The following ANKRD10 variants were observed in gnomAD, a reference collection of about 807,000 sequenced individuals.
ANKRD10 encodes the protein ankyrin repeat domain 10.
In ANKRD10, 14 loss-of-function variants were observed where a neutral mutation model predicts 27.0. That is an observed-to-expected ratio of 0.52 (90% CI 0.34 to 0.81). ANKRD10 has a LOEUF of 0.81. Among genes scored for constraint, ANKRD10 ranks in the 40% least tolerant of loss-of-function variants. The pLI is 0.01. For synonymous variants in ANKRD10, 250 were observed against 224.5 expected, an observed-to-expected ratio of 1.11 and a Z score of -1.01; for missense variants, 493 against 544.0, an observed-to-expected ratio of 0.91 and a Z score of 0.93.
chr13:110,896,654 T>C (rs753176697), intron 3 of ANKRD10, among the ~76,000 whole-genome samples: 17 of 152,364 alleles, frequency 1.1e-4, no homozygotes, highest in African/African-American at 3.8e-4. Context: ...ATTTTAGACT[T>C]TGGAGACCAT....
intron 3 of ANKRD10, among the ~76,000 whole-genome samples, chr13:110,898,162 G>A (rs1157787977): frequency 6.6e-6 from 1 of 152,178 alleles, no homozygotes; most frequent in East Asian, 1.9e-4. Context: ...TAAATTGAGT[G>A]TTTTTGGTTA....
chr13:110,891,239 C>T (rs1023805558), intron 4 of ANKRD10, among the ~76,000 whole-genome samples: 1 of 152,174 alleles, frequency 6.6e-6, no homozygotes, highest in Non-Finnish European at 1.5e-5. Flanking sequence ...CAATACTAAC[C>T]AGGCTTTAAT....
intron 2 of ANKRD10, 149 bp from the exon 3 acceptor site, chr13:110,906,273 T>C (rs1372954669): frequency 6.2e-6 from 4 of 644,772 alleles, no homozygotes; most frequent in South Asian, 4.1e-5. Flanking sequence ...CACAAAGAAA[T>C]CTATACGTGA....
intron 4 of ANKRD10, among the ~76,000 whole-genome samples, chr13:110,890,795 G>A (rs984789979): frequency 7.5e-6 from 1 of 134,022 alleles, no homozygotes; most frequent in African/African-American, 2.6e-5. Context: ...AGTTTGGGAA[G>A]GCTGCATGGT....
At chr13:110,897,927 C>A (rs552972057) in intron 3 of ANKRD10, among the ~76,000 whole-genome samples, 2 of 152,190 alleles carry the variant, frequency 1.3e-5, no homozygotes, top group South Asian at 4.1e-4. Context: ...TTTTGATTCT[C>A]TTTAGAACGA....
At position 110,892,912 on chromosome 13, in the gene ANKRD10, G is replaced by A. The variant is rs1269086785; in HGVS notation, c.691+116C>T. 3.6e-5 allele frequency: 53 copies of A among 1,477,480 alleles called. No individual in the cohort carries two copies. In the South Asian group the frequency reaches 6.7e-4, roughly 19 times the overall value. 91.5% of individuals were successfully genotyped at this position (1,477,480 alleles called of 1,614,324 possible). ...CCACCGTCACCGCACAATCCACCAG[G>A]CGCATTACCACCTGAAGTGAAGGTC... On this transcript the variant is annotated intron_variant, in intron 4 of 5. Transcript: ENST00000267339.
intron 1 of ANKRD10, among the ~76,000 whole-genome samples, chr13:110,913,352 A>C (rs915137949): frequency 1.3e-5 from 2 of 152,244 alleles, no homozygotes; most frequent in African/African-American, 4.8e-5. Context: ...TGCACGCAGA[A>C]GCGCAGGGAG....
In ANKRD10 at chr13:110,887,056, T is replaced by A. The variant is rs1418398289; in HGVS notation, c.692-3263A>T. Among the ~76,000 whole-genome samples, 3 of 152,110 alleles carry A rather than the reference T, an allele frequency of 2.0e-5. No individual in the cohort carries two copies. In the East Asian group the frequency reaches 5.8e-4, roughly 29 times the overall value. ...AGATACAGCCACAAGCCAGGTGTGG[T>A]CACTGCCTGCCCTCCTAAGTGAGAA... On this transcript the variant is annotated intron_variant, in intron 4 of 5. Coordinates refer to ENST00000267339, the MANE Select transcript of ANKRD10 (RefSeq NM_017664.4).
chr13:110,891,990 G>A (rs186313886), intron 4 of ANKRD10, among the ~76,000 whole-genome samples: 19 of 150,274 alleles, frequency 1.3e-4, no homozygotes, highest in Admixed American at 1.0e-3. Context: ...TGGGATTACA[G>A]GTATGAGCCA....
Position 110,879,572 on chromosome 13 carries a change from A to T in ANKRD10, c.*65T>A. ...TGTGACATTCGTTCAAGTTGCTGCT[A>T]CATGGGTATTCTGAGCTGGCTACCA... On this transcript the variant is annotated 3_prime_UTR_variant, in exon 6 of 6. Transcript: ENST00000267339. 1.6e-6 allele frequency: 2 copies of T among 1,237,552 alleles called. No homozygotes were observed. Among genetic ancestry groups the T allele is most frequent in the African/African-American group, 1.5e-5 (1 of 67,054 alleles). The allele number at this position is 1,237,552 out of a possible 1,614,324, so 76.7% of individuals were successfully genotyped here. A position where few individuals can be genotyped will look rare whatever the true frequency, so the allele number is the denominator to read the frequency against.
At chr13:110,910,389 TG>T (rs1250188480) in intron 2 of ANKRD10, among the ~76,000 whole-genome samples, 1 of 152,194 alleles carries the variant, frequency 6.6e-6, no homozygotes, top group African/African-American at 2.4e-5. Flanking sequence ...CACATCACCC[TG>T]GATCAGTTTA....
intron 5 of ANKRD10, among the ~76,000 whole-genome samples, chr13:110,882,353 G>A (rs1320156116): frequency 6.6e-6 from 1 of 152,190 alleles, no homozygotes; most frequent in African/African-American, 2.4e-5. Context: ...AGTGGACGTG[G>A]AGTGCCATGT....
chr13:110,905,177 T>C (rs529760693), intron 3 of ANKRD10: 147 of 152,368 alleles, frequency 9.6e-4, no homozygotes, highest in Non-Finnish European at 1.7e-3. Flanking sequence ...TATAGCTCTA[T>C]AGCTTACACT....
At chr13:110,901,746 A>AG in intron 3 of ANKRD10, among the ~76,000 whole-genome samples, 1 of 152,324 alleles carries the variant, frequency 6.6e-6, no homozygotes, top group Non-Finnish European at 1.5e-5. Context: ...CTGTGGGGAC[A>AG]ATTAGATAAA....
intron 4 of ANKRD10, among the ~76,000 whole-genome samples, chr13:110,889,531 T>A (rs1209425695): frequency 6.6e-6 from 1 of 152,238 alleles, no homozygotes; most frequent in Non-Finnish European, 1.5e-5. Context: ...CAGTTAATAT[T>A]CAAGCAATAC....
intron 1 of ANKRD10, among the ~76,000 whole-genome samples, chr13:110,912,182 CACA>C (rs993698559): frequency 7.2e-5 from 11 of 152,244 alleles, no homozygotes; most frequent in Non-Finnish European, 1.6e-4. Flanking sequence ...TCACTCCAAT[CACA>C]ATGCAGTTAG....
intron 2 of ANKRD10, among the ~76,000 whole-genome samples, chr13:110,908,389 G>A (rs567787892): frequency 5.9e-5 from 9 of 152,120 alleles, no homozygotes; most frequent in South Asian, 2.1e-4. Flanking sequence ...TGGGGAAATC[G>A]AGAACACAGG....
At chr13:110,900,578 A>G (rs1311649297) in intron 3 of ANKRD10, 1 of 1,351,466 alleles carries the variant, frequency 7.4e-7, no homozygotes, top group Non-Finnish European at 9.8e-7. Context: ...TGAACATTCA[A>G]TGCCACAACT....
chr13:110,910,509 A>C, intron 2 of ANKRD10, 109 bp downstream of exon 2: 8 of 1,331,694 alleles, frequency 6.0e-6, no homozygotes, highest in Non-Finnish European at 8.3e-6. Context: ...GCCCTCAGGT[A>C]AAGATATCAA....
Sources: gnomAD v4.1 joint callset for allele counts (sites outside exome capture counted in the v4.1 genomes callset) on GRCh38, gnomAD v4.1.1 for gene constraint, MANE v1.5 for transcripts, NCBI Gene and HGNC (gene_info 2026-07-23, HGNC 2026-07-21) for gene names.